PAICS: variants seen among roughly 807,000 people sequenced by gnomAD.
PAICS encodes bifunctional phosphoribosylaminoimidazole carboxylase/phosphoribosylaminoimidazole succinocarboxamide synthetase.
Under a neutral mutation model 53.7 loss-of-function variants are expected in PAICS, and 33 were observed. The ratio of observed to expected loss-of-function variants is 0.61; its 90% confidence interval spans 0.47 to 0.82. The LOEUF (loss-of-function observed/expected upper bound fraction) is 0.82. Ranked by LOEUF, PAICS falls within the 40% of genes least tolerant of loss-of-function variation. PAICS has a pLI of 0.00. For synonymous variants in PAICS, 141 were observed against 167.2 expected, an observed-to-expected ratio of 0.84 and a Z score of 1.21; for missense variants, 394 against 494.1, an observed-to-expected ratio of 0.80 and a Z score of 1.92.
At chr4:56,427,616 C>T in the PAICS span, among the ~76,000 whole-genome samples, 10 of 147,874 alleles carry the variant, frequency 6.8e-5, no homozygotes, top group Non-Finnish European at 1.3e-4. Flanking sequence ...ACGCCAGCCT[C>T]GGCAACATAG....
upstream of PAICS, chr4:56,431,562 AT>A: frequency 2.1e-6 from 2 of 964,596 alleles, no homozygotes; most frequent in Non-Finnish European, 2.5e-6. Context: ...AATCTTATAA[AT>A]TTTTAGAAGT....
chr4:56,430,218 T>C, the PAICS span, among the ~76,000 whole-genome samples: 1 of 152,240 alleles, frequency 6.6e-6, no homozygotes, highest in Non-Finnish European at 1.5e-5. Context: ...TCAATGGACA[T>C]ATGTATGCAT....
the PAICS span, among the ~76,000 whole-genome samples, chr4:56,412,836 C>G: frequency 3.9e-5 from 6 of 152,116 alleles, no homozygotes; most frequent in Admixed American, 1.3e-4. Context: ...CACCCTCTTC[C>G]CATATACTTT....
the PAICS span, among the ~76,000 whole-genome samples, chr4:56,413,372 C>G: frequency 1.3e-5 from 2 of 152,218 alleles, no homozygotes; most frequent in Admixed American, 6.5e-5. Context: ...CCAGGCTGGT[C>G]TCGAAGTCCT....
chr4:56,419,713 C>A, the PAICS span: 1 of 980,316 alleles, frequency 1.0e-6, no homozygotes, highest in Non-Finnish European at 1.2e-6. Context: ...GAAGTCAGGG[C>A]TCTAATAGAC....
At chr4:56,443,224 C>T (rs1223736749) in intron 2 of PAICS, among the ~76,000 whole-genome samples, 1 of 152,116 alleles carries the variant, frequency 6.6e-6, no homozygotes, top group Non-Finnish European at 1.5e-5. Flanking sequence ...CTTTGTTGCC[C>T]AGGCTGGAGT....
the PAICS span, chr4:56,423,007 G>A: frequency 1.2e-4 from 19 of 152,096 alleles, no homozygotes; most frequent in African/African-American, 4.6e-4. Context: ...ATTACCCTCT[G>A]GTATAGGGCA....
chr4:56,452,254 C>A (rs910884556), intron 7 of PAICS, among the ~76,000 whole-genome samples: 1 of 152,182 alleles, frequency 6.6e-6, no homozygotes, highest in African/African-American at 2.4e-5. Flanking sequence ...TCTCAGCTCA[C>A]TGCAAGCTCC....
intron 1 of PAICS, among the ~76,000 whole-genome samples, chr4:56,436,825 T>TC (rs1718009098): frequency 6.6e-6 from 1 of 151,982 alleles, no homozygotes; most frequent in African/African-American, 2.4e-5. Flanking sequence ...CGAAACCCCG[T>TC]CTCTTACTAA....
the PAICS span, among the ~76,000 whole-genome samples, chr4:56,423,760 A>G: frequency 6.6e-6 from 1 of 152,098 alleles, no homozygotes; most frequent in African/African-American, 2.4e-5. Context: ...CCTAGAGATT[A>G]TATTATTTTA....
chr4:56,413,705 G>A, the PAICS span, among the ~76,000 whole-genome samples: 1 of 151,674 alleles, frequency 6.6e-6, no homozygotes, highest in Non-Finnish European at 1.5e-5. Flanking sequence ...AGACCAGCCT[G>A]ACCAACATGG....
intron 2 of PAICS, 123 bp from the exon 3 acceptor site, chr4:56,446,572 A>G (rs1004545370): frequency 9.2e-6 from 6 of 649,852 alleles, no homozygotes; most frequent in Non-Finnish European, 1.4e-5. Context: ...AAAGAGAAAA[A>G]TTACACTTAT....
the PAICS span, chr4:56,410,936 A>G: frequency 7.5e-6 from 7 of 934,304 alleles, no homozygotes; most frequent in South Asian, 3.0e-4. Context: ...AAAGAAAAGT[A>G]CTCTTGTTTT....
Position 56,441,796 on chromosome 4 carries a change from G to A in PAICS, c.150G>A (p.Leu50=), listed in dbSNP as rs1443986490. The change falls in exon 2 of 9, where the codon CTG becomes CTA. Residue 50 remains leucine, a synonymous_variant. Transcript: ENST00000512576. ...GAAATGCAGCTAGAAAAAACCACCT[G>A]GAAGGAAAAGCTGCAATCTCAAATA... ...TAGNAARKNH[L]EGKAAISNKI... The A allele has an allele frequency of 5.0e-6, 8 of 1,601,602 alleles. No individual in the cohort carries two copies. The highest frequency in any genetic ancestry group is 6.8e-6 in the Non-Finnish European group (8 of 1,173,642).
chr4:56,435,156 A>G (rs1178935072), upstream of PAICS, among the ~76,000 whole-genome samples: 1 of 152,232 alleles, frequency 6.6e-6, no homozygotes, highest in Non-Finnish European at 1.5e-5. Flanking sequence ...TGGGCAGGAC[A>G]GGCTAAAGTT....
the PAICS span, among the ~76,000 whole-genome samples, chr4:56,416,044 T>G: frequency 2.1e-5 from 3 of 145,124 alleles, no homozygotes; most frequent in Non-Finnish European, 1.5e-5. Flanking sequence ...CACTCCAGCC[T>G]GGGCGACAGA....
At chr4:56,438,392 TATATATATATAA>T (rs1339747591) in intron 1 of PAICS, among the ~76,000 whole-genome samples, 7 of 122,310 alleles carry the variant, frequency 5.7e-5, no homozygotes, top group East Asian at 3.0e-4. Flanking sequence ...TATATATATA[TATATATATATAA>T]AAGGTTTTTT....
chr4:56,453,576 A>G, intron 7 of PAICS, 27 bp from the exon 8 acceptor site: 2 of 1,508,154 alleles, frequency 1.3e-6, no homozygotes, highest in Non-Finnish European at 1.8e-6. Context: ...AATGTTTAGC[A>G]TAATTATACT....
chr4:56,440,349 C>T (rs1333738379), intron 1 of PAICS, among the ~76,000 whole-genome samples: 1 of 152,154 alleles, frequency 6.6e-6, no homozygotes, highest in Admixed American at 6.5e-5. Flanking sequence ...AGAGATTCAT[C>T]CTCTAAATTA....
Sources: gnomAD v4.1 joint callset for allele counts (sites outside exome capture counted in the v4.1 genomes callset) on GRCh38, gnomAD v4.1.1 for gene constraint, MANE v1.5 for transcripts, NCBI Gene and HGNC (gene_info 2026-07-23, HGNC 2026-07-21) for gene names.